Variants in PDE4D observed in about 807,000 individuals in gnomAD.
PDE4D encodes 3',5'-cyclic-AMP phosphodiesterase 4D.
A neutral mutation model predicts 87.4 loss-of-function variants in PDE4D; 24 were observed. The observed-to-expected ratio is 0.27, with a 90% CI of 0.20 to 0.39. PDE4D has a LOEUF of 0.39. PDE4D is among the 10% of genes least tolerant of loss of function. PDE4D has a pLI of 1.00. For synonymous variants in PDE4D, 384 were observed against 383.2 expected (o/e 1.00, Z -0.02); for missense variants, 714 against 1,041.0 (o/e 0.69, Z 4.32).
chr5:59,443,231 G>C (rs1797894051), intron 1 of PDE4D, among the ~76,000 whole-genome samples: 1 of 152,112 alleles, frequency 6.6e-6, no homozygotes, highest in African/African-American at 2.4e-5. Flanking sequence ...CGACTCTTTT[G>C]CTAATCTCAT....
chr5:59,539,403 C>G (rs796247190), intron 1 of PDE4D, among the ~76,000 whole-genome samples: 14 of 152,262 alleles, frequency 9.2e-5, no homozygotes, highest in African/African-American at 3.4e-4. Context: ...ATTCTAATCA[C>G]TAGCCAGATT....
chr5:59,042,822 G>A (rs1473981438), intron 5 of PDE4D, among the ~76,000 whole-genome samples: 2 of 152,168 alleles, frequency 1.3e-5, no homozygotes, highest in East Asian at 3.9e-4. Flanking sequence ...CTGTCACAGT[G>A]ATATGCTTAG....
intron 1 of PDE4D, among the ~76,000 whole-genome samples, chr5:60,373,675 T>TA (rs1435731267): frequency 6.6e-6 from 1 of 152,182 alleles, no homozygotes; most frequent in African/African-American, 2.4e-5. Context: ...TTTATGATCT[T>TA]ACAGTTATGG....
Position 60,292,781 on chromosome 5 carries a change from G to C in PDE4D, c.-89-107094C>G, listed in dbSNP as rs145039324. On this transcript the variant is annotated intron_variant, in intron 1 of 16. Transcript: ENST00000502484. ...TATTGCAGAGACTGGTACTGTCAAC[G>C]AATTGAGTAATACCATTTATTAATA... Among the ~76,000 whole-genome samples the C allele has an allele frequency of 3.9e-5, 6 of 152,236 alleles. 2 individuals carry two copies. The highest frequency in any genetic ancestry group is 1.4e-4 in the African/African-American group (6 of 41,544).
chr5:59,321,043 C>T (rs1427869132), intron 1 of PDE4D, among the ~76,000 whole-genome samples: 1 of 152,106 alleles, frequency 6.6e-6, no homozygotes, highest in Non-Finnish European at 1.5e-5. Context: ...ATTTCCTGCA[C>T]TTAACACTGG....
chr5:59,525,252 A>T (rs951442244), intron 1 of PDE4D, among the ~76,000 whole-genome samples: 14 of 152,204 alleles, frequency 9.2e-5, no homozygotes, highest in African/African-American at 2.9e-4. Flanking sequence ...AGTGGTGGGG[A>T]CCCAACTCTT....
chr5:60,325,792 A>G (rs1165079541), intron 1 of PDE4D, among the ~76,000 whole-genome samples: 1 of 152,138 alleles, frequency 6.6e-6, no homozygotes, highest in Non-Finnish European at 1.5e-5. Flanking sequence ...CCCCTCTAAT[A>G]GCCACACCCA....
At chr5:59,862,814 G>C (rs1278962899) in intron 1 of PDE4D, among the ~76,000 whole-genome samples, 1 of 152,132 alleles carries the variant, frequency 6.6e-6, no homozygotes, top group East Asian at 1.9e-4. Context: ...ATTGGGTAAT[G>C]ACAAATAAAA....
chr5:60,112,519 A>C (rs528873771), intron 2 of PDE4D, among the ~76,000 whole-genome samples: 303 of 152,232 alleles, frequency 2.0e-3, no homozygotes, highest in African/African-American at 7.0e-3. Context: ...ACTTTCAGTC[A>C]CAACTTGAAT....
At chr5:60,146,531 A>C (rs1781015581) in intron 2 of PDE4D, among the ~76,000 whole-genome samples, 1 of 152,206 alleles carries the variant, frequency 6.6e-6, no homozygotes, top group Non-Finnish European at 1.5e-5. Flanking sequence ...CTTCTTCTCC[A>C]TCAGGTAATC....
chr5:59,116,488 C>A (rs1773636809), intron 5 of PDE4D, among the ~76,000 whole-genome samples: 1 of 151,124 alleles, frequency 6.6e-6, no homozygotes, highest in Non-Finnish European at 1.5e-5. Context: ...GTATATTTTA[C>A]TACCTTTCCT....
At chr5:60,005,267 C>T (rs1310216130) in intron 2 of PDE4D, among the ~76,000 whole-genome samples, 2 of 152,036 alleles carry the variant, frequency 1.3e-5, no homozygotes, top group Admixed American at 1.3e-4. Context: ...CTCATAGGAA[C>T]AGAGAGTAGA....
chr5:59,481,421 C>A (rs16877169), intron 1 of PDE4D, among the ~76,000 whole-genome samples: 24,454 of 151,822 alleles, frequency 0.16, 2,994 homozygotes, highest in African/African-American at 0.35. Flanking sequence ...CAGTTGGTCA[C>A]CCCTTAGCCA....
chr5:59,822,743 A>G (rs1769844711), intron 1 of PDE4D, among the ~76,000 whole-genome samples: 1 of 152,194 alleles, frequency 6.6e-6, no homozygotes, highest in Admixed American at 6.5e-5. Context: ...ATCCAGCTTT[A>G]TACGTGGCCT....
Position 60,439,423 on chromosome 5 carries a change from G to A in PDE4D, c.-90+48519C>T, listed in dbSNP as rs1474422601. Among the ~76,000 whole-genome samples the A allele has an allele frequency of 2.0e-5, 3 of 152,072 alleles. No homozygotes were observed. The East Asian group carries it at 5.8e-4, about 29-fold the overall frequency. ...TCCTACACCTCAGTGAGTACTGCAT[G>A]ACAAGCACCCACAATGACTCAGTCT... On this transcript the variant is annotated intron_variant, in intron 1 of 16. Transcript: ENST00000502484.
At position 59,249,157 on chromosome 5, in the gene PDE4D, C is replaced by A. The variant is rs528544818; in HGVS notation, c.456-33189G>T. On this transcript the variant is annotated intron_variant, in intron 1 of 14. Transcript: ENST00000340635. ...CTATGCAACCCCAATAGAAAATAAG[C>A]GAAGAGACAAACAGAAAATTAACAG... Among the ~76,000 whole-genome samples, 22 of 151,870 alleles carry A rather than the reference C, an allele frequency of 1.4e-4. No individual in the cohort carries two copies. The South Asian group carries it at 4.4e-3, about 30-fold the overall frequency.
chr5:60,251,317 C>T (rs1340229458), intron 1 of PDE4D, among the ~76,000 whole-genome samples: 3 of 151,814 alleles, frequency 2.0e-5, no homozygotes, highest in African/African-American at 7.3e-5. Flanking sequence ...AGGCATTAAG[C>T]CTGGTACCTG....
intron 2 of PDE4D, among the ~76,000 whole-genome samples, chr5:60,008,064 T>C (rs774661070): frequency 1.3e-5 from 2 of 150,242 alleles, no homozygotes; most frequent in Non-Finnish European, 2.9e-5. Flanking sequence ...AAGATAGTTA[T>C]TCTATATGGT....
At chr5:59,102,337 C>T (rs1239325938) in intron 5 of PDE4D, among the ~76,000 whole-genome samples, 2 of 152,016 alleles carry the variant, frequency 1.3e-5, no homozygotes, top group Admixed American at 6.6e-5. Flanking sequence ...CTGCACGCCT[C>T]GGCCTCCCAA....
Sources: allele counts gnomAD v4.1 joint callset (sites outside exome capture counted in the v4.1 genomes callset), GRCh38; gene constraint gnomAD v4.1.1; transcripts MANE v1.5; gene names NCBI Gene and HGNC (gene_info 2026-07-23, HGNC 2026-07-21).